Variants in ADGRL3 observed in about 807,000 individuals in gnomAD.
ADGRL3 encodes calcium-independent alpha-latrotoxin receptor 3.
In ADGRL3, 62 loss-of-function variants were observed where a neutral mutation model predicts 153.5. That is an observed-to-expected ratio of 0.40 (90% CI 0.33 to 0.50). The LOEUF is 0.50. ADGRL3 is among the 20% of genes least tolerant of loss of function. The probability of loss-of-function intolerance (pLI) is 0.47; values close to 1 mark genes in which losing one functional copy is unlikely to be tolerated. For missense variants in ADGRL3, 1,641 were observed against 1,859.4 expected, an observed-to-expected ratio of 0.88 and a Z score of 2.16; for synonymous variants, 710 against 672.5, an observed-to-expected ratio of 1.06 and a Z score of -0.86.
chr4:61,726,987 A>C (rs1561131837), intron 6 of ADGRL3, among the ~76,000 whole-genome samples: 1 of 152,130 alleles, frequency 6.6e-6, no homozygotes, highest in African/African-American at 2.4e-5. Context: ...GCATGCAACA[A>C]ATTTATTTCT....
At chr4:61,957,111 A>C (rs1051171373) in intron 17 of ADGRL3, among the ~76,000 whole-genome samples, 3 of 152,144 alleles carry the variant, frequency 2.0e-5, no homozygotes, top group Non-Finnish European at 2.9e-5. Flanking sequence ...CATTGAATCT[A>C]TAGATTACTT....
chr4:61,874,306 G>A (rs79148437), intron 9 of ADGRL3, among the ~76,000 whole-genome samples: 1 of 152,174 alleles, frequency 6.6e-6, no homozygotes, highest in African/African-American at 2.4e-5. Context: ...TCAGCTCCTT[G>A]TCCCATGGCT....
intron 9 of ADGRL3, among the ~76,000 whole-genome samples, chr4:61,845,895 C>G (rs2098111591): frequency 6.6e-6 from 1 of 152,110 alleles, no homozygotes; most frequent in Non-Finnish European, 1.5e-5. Context: ...CTAGCAATTG[C>G]TTACTAGTAC....
intron 2 of ADGRL3, among the ~76,000 whole-genome samples, chr4:61,441,734 T>A (rs774808763): frequency 6.6e-6 from 1 of 152,170 alleles, no homozygotes; most frequent in Non-Finnish European, 1.5e-5. Context: ...ATTTTAAAGT[T>A]CTGACTTCAC....
chr4:61,264,252 C>A (rs1196468820), intron 1 of ADGRL3, among the ~76,000 whole-genome samples: 2 of 151,938 alleles, frequency 1.3e-5, no homozygotes, highest in African/African-American at 2.4e-5. Flanking sequence ...TTCCAGTGAA[C>A]TGATTTCTAG....
chr4:61,832,087 A>T (rs138462751), intron 9 of ADGRL3, among the ~76,000 whole-genome samples: 21 of 152,290 alleles, frequency 1.4e-4, no homozygotes, highest in Admixed American at 7.2e-4. Flanking sequence ...TTCACTGAAC[A>T]TGAAATGACA....
intron 8 of ADGRL3, among the ~76,000 whole-genome samples, chr4:61,736,996 C>T (rs1039191779): frequency 3.3e-5 from 5 of 151,608 alleles, no homozygotes; most frequent in South Asian, 2.1e-4. Flanking sequence ...TTTCAATTAA[C>T]GTTAATAGAG....
intron 1 of ADGRL3, among the ~76,000 whole-genome samples, chr4:61,365,664 C>A (rs1026640667): frequency 1.1e-4 from 16 of 152,212 alleles, no homozygotes; most frequent in African/African-American, 3.9e-4. Flanking sequence ...TTTAGAACAC[C>A]TGAATCTCTG....
Position 61,289,880 on chromosome 4 carries a change from C to T in ADGRL3, c.-240+88115C>T, listed in dbSNP as rs113670807. On this transcript the variant is annotated intron_variant, in intron 1 of 26. Transcript: ENST00000683033. The stretch of plus-strand genomic sequence containing the variant: ...TGGTTCCTCAGGTTACTCTTCTATA[C>T]AATGGCTGTTATGAAGGTTAAACAA... Among the ~76,000 whole-genome samples the T allele has an allele frequency of 4.3e-3, 655 of 152,212 alleles. 4 individuals are homozygous for T. The highest frequency in any genetic ancestry group is 0.015 in the African/African-American group (618 of 41,552).
intron 1 of ADGRL3, among the ~76,000 whole-genome samples, chr4:61,303,682 G>T (rs2094664243): frequency 6.6e-6 from 1 of 152,036 alleles, no homozygotes; most frequent in African/African-American, 2.4e-5. Flanking sequence ...TCTGAAAAGT[G>T]GGATTTTTAA....
At chr4:61,445,266 C>T (rs571254067) in intron 2 of ADGRL3, among the ~76,000 whole-genome samples, 1 of 152,204 alleles carries the variant, frequency 6.6e-6, no homozygotes, top group South Asian at 2.1e-4. Flanking sequence ...AGCAACAGAG[C>T]CAGGACTTGA....
chr4:61,373,737 G>T (rs971480388), intron 1 of ADGRL3, among the ~76,000 whole-genome samples: 20 of 152,048 alleles, frequency 1.3e-4, no homozygotes, highest in African/African-American at 4.3e-4. Context: ...GTTGCTAGCT[G>T]TATGCAACAT....
At chr4:61,793,551 G>C (rs1479773909) in intron 8 of ADGRL3, among the ~76,000 whole-genome samples, 1 of 152,100 alleles carries the variant, frequency 6.6e-6, no homozygotes, top group Non-Finnish European at 1.5e-5. Context: ...TGGGAATTGT[G>C]AGAATTACAA....
At chr4:61,353,853 C>T (rs917991811) in intron 1 of ADGRL3, among the ~76,000 whole-genome samples, 1 of 151,934 alleles carries the variant, frequency 6.6e-6, no homozygotes, top group Non-Finnish European at 1.5e-5. Flanking sequence ...ATGTGTGTTA[C>T]ATTTTTCTCT....
intron 12 of ADGRL3, among the ~76,000 whole-genome samples, chr4:61,912,472 G>A (rs1391550147): frequency 6.6e-6 from 1 of 152,018 alleles, no homozygotes; most frequent in African/African-American, 2.4e-5. Flanking sequence ...AAGATTTCTT[G>A]CTATCATTAA....
intron 1 of ADGRL3, among the ~76,000 whole-genome samples, chr4:61,353,170 A>G (rs1428473705): frequency 2.0e-5 from 3 of 151,888 alleles, no homozygotes; most frequent in African/African-American, 4.8e-5. Context: ...ATTTTGAATA[A>G]GTAAATAAAT....
chr4:61,647,251 G>A (rs916712538), intron 5 of ADGRL3, among the ~76,000 whole-genome samples: 7 of 152,112 alleles, frequency 4.6e-5, no homozygotes, highest in East Asian at 1.9e-4. Flanking sequence ...CGTGGCTCAC[G>A]CTGGGAGCTG....
intron 8 of ADGRL3, among the ~76,000 whole-genome samples, chr4:61,744,215 C>A (rs918205535): frequency 2.0e-5 from 3 of 152,152 alleles, no homozygotes; most frequent in Non-Finnish European, 2.9e-5. Context: ...CAGGGAAACT[C>A]GAACTGGGAG....
intron 2 of ADGRL3, among the ~76,000 whole-genome samples, chr4:61,410,334 T>C (rs1408805888): frequency 6.6e-6 from 1 of 152,170 alleles, no homozygotes; most frequent in African/African-American, 2.4e-5. Context: ...TTGTACCTTT[T>C]ATCACATTGC....
Sources: allele counts gnomAD v4.1 joint callset (sites outside exome capture counted in the v4.1 genomes callset), GRCh38; gene constraint gnomAD v4.1.1; transcripts MANE v1.5; gene names NCBI Gene and HGNC (gene_info 2026-07-23, HGNC 2026-07-21).